The following TRAPPC6A variants were observed in gnomAD, a reference collection of about 807,000 sequenced individuals.
The protein encoded by TRAPPC6A is TRAPP complex subunit 6A.
A neutral mutation model predicts 20.8 loss-of-function variants in TRAPPC6A; 25 were observed. The ratio of observed to expected loss-of-function variants is 1.20; its 90% CI spans 0.88 to 1.68. The LOEUF is 1.68. Among genes scored for constraint, TRAPPC6A ranks in the 40% most tolerant of loss-of-function variants. The pLI is 0.00. For missense variants in TRAPPC6A, 215 were observed against 211.6 expected (o/e 1.02, Z -0.10); for synonymous variants, 96 against 93.3 (o/e 1.03, Z -0.16).
At chr19:45,165,099 G>A in intron 2 of TRAPPC6A, 28 bp downstream of exon 2, 3 of 1,612,506 alleles carry the variant, frequency 1.9e-6, no homozygotes, top group Non-Finnish European at 2.5e-6. Context: ...CAGCCAGGCT[G>A]GGGGAGAGCA....
chr19:45,177,746 C>T (rs1206449174), intron 1 of TRAPPC6A, among the ~76,000 whole-genome samples: 1 of 152,184 alleles, frequency 6.6e-6, no homozygotes, highest in Non-Finnish European at 1.5e-5. Context: ...ATAAATGTCC[C>T]ACGCTGAGGC....
At position 45,173,378 on chromosome 19, in the gene TRAPPC6A, G is replaced by A. The variant is rs1351046174; in HGVS notation, c.84+4757C>T. ...GCCCTACACACTGGCTGTGGCTCCT[G>A]GGCACCTGTGCTGTGGGGACAGAGA... is the stretch of plus-strand genomic sequence containing the variant. On this transcript the variant is annotated intron_variant, in intron 1 of 5. Transcript: ENST00000585934. The surrounding 1 kb of genome is among the most constrained non-coding windows in gnomAD (Gnocchi z 4.8). 6.6e-6 allele frequency among the ~76,000 whole-genome samples: 1 copy of A among 152,010 alleles called. No individual in the cohort carries two copies. Among genetic ancestry groups the A allele is most frequent in the Non-Finnish European group, 1.5e-5 (1 of 67,984 alleles).
At chr19:45,164,307 G>A (rs1599730701) in intron 3 of TRAPPC6A, 60 bp from the exon 4 acceptor site, 2 of 1,177,250 alleles carry the variant, frequency 1.7e-6, no homozygotes, top group Non-Finnish European at 2.4e-6. Flanking sequence ...AGCGCAGGGA[G>A]GGTAAGCAGG....
At position 45,166,282 on chromosome 19, in the gene TRAPPC6A, C is replaced by T. The variant is rs546231101; in HGVS notation, c.85-1088G>A. Among the ~76,000 whole-genome samples the T allele has an allele frequency of 2.0e-5, 3 of 151,884 alleles. No homozygotes were observed. In the East Asian group the frequency reaches 5.8e-4, roughly 29 times the overall value. ...AGTGCAGTGGTGCAATGCTGGCTCACTGCAACCTCCGCCTCCCGGGTTCAA... is the reference window on the plus strand; with the variant it reads ...AGTGCAGTGGTGCAATGCTGGCTCATTGCAACCTCCGCCTCCCGGGTTCAA... On this transcript the variant is annotated intron_variant, in intron 1 of 5. Transcript: ENST00000585934.
Position 45,172,612 on chromosome 19 carries a change from C to T in TRAPPC6A, c.84+5523G>A, listed in dbSNP as rs1335839249. On this transcript the variant is annotated intron_variant, in intron 1 of 5. Transcript: ENST00000585934. This position sits in a 1 kb window ranked among gnomAD's most constrained non-coding sequence, Gnocchi z 4.2. ...TGGGTGCGAGAAGCCTGCAGGACTT[C>T]CCTGCTGTTGCCCTCAACTCTCCTC... Among the ~76,000 whole-genome samples, 4 of 151,634 alleles carry T rather than the reference C, an allele frequency of 2.6e-5. No homozygotes were observed. Among genetic ancestry groups the T allele is most frequent in the Non-Finnish European group, 5.9e-5 (4 of 68,018 alleles).
rs1969123103 is a variant in TRAPPC6A, at chr19:45,165,160, A to C, written c.119T>G (p.Met40Arg). ...TAGAGCCTGGCCCACACGGAACCCC[A>C]TACCCTCCAGGACCGACAGGCTCAT... ...QKMSLSVLEG[M>R]GFRVGQALGE... is the part of the protein sequence containing the mutation. Residue 40 changes from methionine to arginine, a missense_variant, in exon 2 of 6, where the codon ATG (methionine) becomes AGG (arginine). Met to Arg is a moderately conservative substitution (Grantham distance 91). Coordinates refer to ENST00000585934, the MANE Select transcript of TRAPPC6A (RefSeq NM_001270891.2). 6.2e-7 allele frequency: 1 copy of C among 1,610,034 alleles called. No homozygotes were observed. Among genetic ancestry groups the C allele is most frequent in the African/African-American group, 1.3e-5 (1 of 74,790 alleles).
rs1969308832 is a variant in TRAPPC6A, at chr19:45,173,716, A to C, written c.84+4419T>G. ...AGGAATGGAGAGAGGAGGTGGGGCC[A>C]ATAAAGAGAAAGGACTGAGGAAGCC... On this transcript the variant is annotated intron_variant, in intron 1 of 5. Transcript: ENST00000585934. The surrounding 1 kb of genome is among the most constrained non-coding windows in gnomAD (Gnocchi z 4.8). 6.6e-6 allele frequency among the ~76,000 whole-genome samples: 1 copy of C among 152,196 alleles called. No homozygotes were observed. The highest frequency in any genetic ancestry group is 1.9e-4 in the East Asian group (1 of 5,198).
chr19:45,167,820 G>A lies in TRAPPC6A; in HGVS notation c.85-2626C>T, dbSNP rs147579707. ...TCGAGTCCAGCCTGGTCGACATGGCGAAACCCCTTCTCTACAAAAAATACA... is the reference window on the plus strand; with the variant it reads ...TCGAGTCCAGCCTGGTCGACATGGCAAAACCCCTTCTCTACAAAAAATACA... On this transcript the variant is annotated intron_variant, in intron 1 of 5. Transcript: ENST00000585934. Among the ~76,000 whole-genome samples, 469 of 152,020 alleles carry A rather than the reference G, an allele frequency of 3.1e-3. 2 individuals are homozygous for A. Among genetic ancestry groups the A allele is most frequent in the African/African-American group, 0.011 (438 of 41,464 alleles).
intron 1 of TRAPPC6A, among the ~76,000 whole-genome samples, chr19:45,167,512 C>T (rs1969180980): frequency 6.6e-6 from 1 of 152,194 alleles, no homozygotes; most frequent in African/African-American, 2.4e-5. Context: ...GTCGGAGTTT[C>T]GCTCTTGTTG....
chr19:45,165,295 G>A, intron 1 of TRAPPC6A, 101 bp from the exon 2 acceptor site: 1 of 1,126,856 alleles, frequency 8.9e-7, no homozygotes, highest in Admixed American at 2.0e-5. Context: ...CAACTTGCTG[G>A]TGCTCGTCAG....
At chr19:45,168,744 CAG>C (rs776679795) in intron 1 of TRAPPC6A, among the ~76,000 whole-genome samples, 27 of 152,182 alleles carry the variant, frequency 1.8e-4, no homozygotes, top group Non-Finnish European at 2.6e-4. Context: ...CAGGTGGAAA[CAG>C]GGGCTCTGAG....
intron 1 of TRAPPC6A, among the ~76,000 whole-genome samples, chr19:45,169,476 A>G (rs1969226248): frequency 6.6e-6 from 1 of 152,134 alleles, no homozygotes; most frequent in Admixed American, 6.5e-5. Context: ...GGAGGGGAAT[A>G]TTAATGGCAG....
At chr19:45,177,730 GAATA>G (rs754571286) in intron 1 of TRAPPC6A, among the ~76,000 whole-genome samples, 2 of 152,128 alleles carry the variant, frequency 1.3e-5, no homozygotes, top group Non-Finnish European at 2.9e-5. Flanking sequence ...AGTGGGTGTC[GAATA>G]AATAAATGTC....
intron 1 of TRAPPC6A, among the ~76,000 whole-genome samples, chr19:45,176,587 G>C (rs1969380415): frequency 1.3e-5 from 2 of 152,128 alleles, no homozygotes; most frequent in Non-Finnish European, 2.9e-5. Flanking sequence ...TGAGTACCTG[G>C]GATTACAGGT....
intron 1 of TRAPPC6A, among the ~76,000 whole-genome samples, chr19:45,166,691 C>G (rs966016827): frequency 6.6e-6 from 1 of 152,056 alleles, no homozygotes; most frequent in Non-Finnish European, 1.5e-5. Flanking sequence ...CAGCCCTGAG[C>G]TGAAGGAAGC....
At chr19:45,174,819 ACT>A (rs977150404) in intron 1 of TRAPPC6A, among the ~76,000 whole-genome samples, 2 of 151,176 alleles carry the variant, frequency 1.3e-5, no homozygotes, top group African/African-American at 4.9e-5. Flanking sequence ...ACAGAGCAAG[ACT>A]CTCTTTAAAA....
intron 1 of TRAPPC6A, among the ~76,000 whole-genome samples, chr19:45,167,187 C>T (rs547718521): frequency 2.0e-5 from 3 of 152,194 alleles, no homozygotes; most frequent in Non-Finnish European, 4.4e-5. Context: ...TGGTGCTTAA[C>T]AGACTGGCTG....
In TRAPPC6A at chr19:45,163,405, C is replaced by T. The variant is rs573502656; in HGVS notation, c.449-182G>A. Among the ~76,000 whole-genome samples, 4 of 152,242 alleles carry T rather than the reference C, an allele frequency of 2.6e-5. No homozygotes were observed. The highest frequency in any genetic ancestry group is 2.4e-5 in the African/African-American group (1 of 41,548). On this transcript the variant is annotated intron_variant, in intron 5 of 5. Coordinates refer to ENST00000585934, the MANE Select transcript of TRAPPC6A (RefSeq NM_001270891.2). The surrounding 1 kb of genome is among the most constrained non-coding windows in gnomAD (Gnocchi z 5.3). ...TGAGTAACCAGGAGCATGAGGGCCA[C>T]GGATGTGGCCCCAGGGAAGCGCCCG...
chr19:45,167,987 C>T (rs1308146278), intron 1 of TRAPPC6A, among the ~76,000 whole-genome samples: 2 of 150,512 alleles, frequency 1.3e-5, no homozygotes, highest in African/African-American at 4.9e-5. Context: ...AACAGCAAGA[C>T]CCTGTCTTTT....
Sources: gnomAD v4.1 joint callset for allele counts (sites outside exome capture counted in the v4.1 genomes callset) on GRCh38, gnomAD v4.1.1 for gene constraint, Gnocchi (gnomAD v3.1) non-coding constraint, MANE v1.5 for transcripts, NCBI Gene and HGNC (gene_info 2026-07-23, HGNC 2026-07-21) for gene names.